FHIT: variants seen among roughly 807,000 people sequenced by gnomAD.
The protein encoded by FHIT is bis(5'-adenosyl)-triphosphatase.
FHIT carries 19 observed loss-of-function variants against 17.9 expected under a neutral mutation model. The observed-to-expected ratio is 1.06, with a 90% CI of 0.74 to 1.56. FHIT has a LOEUF of 1.56. Ranked by LOEUF, FHIT falls within the 40% of genes most tolerant of loss-of-function variation. FHIT has a pLI of 0.00. For missense variants in FHIT, 248 were observed against 189.2 expected (o/e 1.31, Z -1.82); for synonymous variants, 81 against 69.7 (o/e 1.16, Z -0.81).
intron 4 of FHIT, among the ~76,000 whole-genome samples, chr3:60,567,204 G>T (rs368218245): frequency 1.3e-5 from 2 of 151,846 alleles, no homozygotes; most frequent in African/African-American, 4.8e-5. Flanking sequence ...ACCTGACTTC[G>T]AACTATACTA....
chr3:61,212,228 A>T (rs1185500227), intron 1 of FHIT, among the ~76,000 whole-genome samples: 2 of 152,212 alleles, frequency 1.3e-5, no homozygotes, highest in Non-Finnish European at 2.9e-5. Context: ...AATTCAAACC[A>T]AAGACAAAGA....
chr3:59,861,345 C>T (rs1043670289), intron 8 of FHIT, among the ~76,000 whole-genome samples: 2 of 152,130 alleles, frequency 1.3e-5, no homozygotes, highest in African/African-American at 2.4e-5. Flanking sequence ...GCCCTAATGT[C>T]ATTCTCTGAA....
intron 5 of FHIT, among the ~76,000 whole-genome samples, chr3:60,337,420 G>A (rs1397569486): frequency 6.6e-6 from 1 of 152,090 alleles, no homozygotes; most frequent in Non-Finnish European, 1.5e-5. Context: ...TTTAAATGAA[G>A]TAATGCCTGA....
At position 60,341,758 on chromosome 3, in the gene FHIT, CTTTTT is replaced by C. The variant is rs1710526893; in HGVS notation, c.103+195097_103+195101del. ...AGATGTTACAGTGAATTTCTTTTTTCTTTTTGTGTCTTCATGGGTATTTTAGTGCG... is the reference window on the plus strand; with the variant it reads ...AGATGTTACAGTGAATTTCTTTTTTCGTGTCTTCATGGGTATTTTAGTGCG... On this transcript the variant is annotated intron_variant, in intron 5 of 9. Coordinates refer to ENST00000492590, the MANE Select transcript of FHIT (RefSeq NM_002012.4). Among the ~76,000 whole-genome samples, 3 of 151,912 alleles carry C rather than the reference CTTTTT, an allele frequency of 2.0e-5. No homozygotes were observed. In the South Asian group the frequency reaches 6.2e-4, roughly 31 times the overall value.
intron 2 of FHIT, among the ~76,000 whole-genome samples, chr3:61,192,752 A>T (rs1227081949): frequency 1.3e-5 from 2 of 150,328 alleles, no homozygotes; most frequent in African/African-American, 2.4e-5. Context: ...TCTTTAGATG[A>T]TGGGTCTTCA....
At chr3:60,843,294 T>A (rs1312357799) in intron 3 of FHIT, among the ~76,000 whole-genome samples, 1 of 152,150 alleles carries the variant, frequency 6.6e-6, no homozygotes, top group Non-Finnish European at 1.5e-5. Flanking sequence ...GACAGGTTTT[T>A]TTCTCACAAA....
chr3:60,674,363 T>C (rs2040574541), intron 4 of FHIT, among the ~76,000 whole-genome samples: 1 of 152,156 alleles, frequency 6.6e-6, no homozygotes, highest in Non-Finnish European at 1.5e-5. Context: ...AATTCCTCAT[T>C]TTCTAATTCT....
At chr3:60,510,006 T>G (rs1482978689) in intron 5 of FHIT, among the ~76,000 whole-genome samples, 2 of 152,144 alleles carry the variant, frequency 1.3e-5, no homozygotes, top group African/African-American at 4.8e-5. Flanking sequence ...CTTGGTGAGG[T>G]TGACTACAAA....
intron 4 of FHIT, among the ~76,000 whole-genome samples, chr3:60,621,531 T>C (rs2039129210): frequency 6.6e-6 from 1 of 152,058 alleles, no homozygotes; most frequent in African/African-American, 2.4e-5. Context: ...ATAAATATCA[T>C]TCTGAAATTT....
intron 5 of FHIT, among the ~76,000 whole-genome samples, chr3:60,259,184 G>A (rs1706171292): frequency 6.6e-6 from 1 of 152,098 alleles, no homozygotes; most frequent in South Asian, 2.1e-4. Context: ...AGGAATTGCT[G>A]AGGTAGAGAA....
chr3:61,148,406 CATT>C (rs1560020427), intron 2 of FHIT, among the ~76,000 whole-genome samples: 1 of 152,130 alleles, frequency 6.6e-6, no homozygotes, highest in Non-Finnish European at 1.5e-5. Flanking sequence ...CTTCTAGTAT[CATT>C]GATTCCTTTT....
intron 7 of FHIT, among the ~76,000 whole-genome samples, chr3:59,948,872 C>CT (rs565756436): frequency 1.8e-3 from 269 of 152,010 alleles, no homozygotes; most frequent in African/African-American, 5.8e-3. Context: ...ATACTATAGA[C>CT]TTTTTTTCCT....
intron 3 of FHIT, among the ~76,000 whole-genome samples, chr3:60,961,814 C>A (rs1553781002): frequency 1.3e-5 from 2 of 152,152 alleles, no homozygotes; most frequent in Non-Finnish European, 2.9e-5. Context: ...CAGTACCATG[C>A]TGTTTTGGTT....
chr3:61,012,992 G>C (rs987373156), intron 3 of FHIT, among the ~76,000 whole-genome samples: 1 of 151,990 alleles, frequency 6.6e-6, no homozygotes, highest in Non-Finnish European at 1.5e-5. Context: ...ATTGACAATA[G>C]TGAGACTCAA....
Position 60,485,944 on chromosome 3 carries a change from A to G in FHIT, c.103+50916T>C, listed in dbSNP as rs116207229. 2.2e-3 allele frequency among the ~76,000 whole-genome samples: 338 copies of G among 152,220 alleles called. 3 individuals are homozygous for G. The highest frequency in any genetic ancestry group is 7.7e-3 in the African/African-American group (319 of 41,542). ...CAGAGAAAAAATAAATGAAAAGTCT[A>G]CTTTGGAGTCAAAGATATGGTTATT... On this transcript the variant is annotated intron_variant, in intron 5 of 9. Coordinates refer to ENST00000492590, the MANE Select transcript of FHIT (RefSeq NM_002012.4).
chr3:60,603,509 G>A (rs1013744066), intron 4 of FHIT, among the ~76,000 whole-genome samples: 12 of 151,568 alleles, frequency 7.9e-5, no homozygotes, highest in African/African-American at 2.9e-4. Flanking sequence ...GGTATTTCTC[G>A]GTGGTGGGAT....
intron 4 of FHIT, among the ~76,000 whole-genome samples, chr3:60,764,933 T>C (rs528036900): frequency 6.6e-6 from 1 of 152,288 alleles, no homozygotes; most frequent in East Asian, 1.9e-4. Context: ...GATTTTCAGA[T>C]AGAAACATTT....
chr3:59,910,714 T>G (rs1704830287), intron 8 of FHIT, among the ~76,000 whole-genome samples: 1 of 152,190 alleles, frequency 6.6e-6, no homozygotes. Flanking sequence ...AAAATCCATA[T>G]AGGCCATATT....
intron 4 of FHIT, among the ~76,000 whole-genome samples, chr3:60,598,924 T>C (rs549512956): frequency 4.6e-5 from 7 of 152,310 alleles, no homozygotes; most frequent in African/African-American, 1.7e-4. Flanking sequence ...GTTCTAGCAA[T>C]GCCAAATCAC....
Sources: allele counts gnomAD v4.1 joint callset (sites outside exome capture counted in the v4.1 genomes callset), GRCh38; gene constraint gnomAD v4.1.1; transcripts MANE v1.5; gene names NCBI Gene and HGNC (gene_info 2026-07-23, HGNC 2026-07-21).